Variants in FOXP4 observed in about 807,000 individuals in gnomAD.
The protein encoded by FOXP4 is forkhead box P4.
Under a neutral mutation model 82.6 loss-of-function variants are expected in FOXP4, and 25 were observed. That is an observed-to-expected ratio of 0.30 (90% confidence interval 0.22 to 0.42). The LOEUF (loss-of-function observed/expected upper bound fraction) is 0.42, where lower values mean the gene tolerates loss of function less well. Among genes scored for constraint, FOXP4 ranks in the 10% least tolerant of loss-of-function variants. The pLI, the probability that FOXP4 is intolerant of heterozygous loss-of-function variation, is 1.00. For synonymous variants in FOXP4, 415 were observed against 388.2 expected (o/e 1.07, Z -0.81); for missense variants, 785 against 900.9 (o/e 0.87, Z 1.65).
At chr6:41,592,437 A>G (rs577525626) in intron 13 of FOXP4, among the ~76,000 whole-genome samples, 1 of 152,192 alleles carries the variant, frequency 6.6e-6, no homozygotes, top group South Asian at 2.1e-4. Flanking sequence ...GAGTGATGTC[A>G]TTTTCTGCCA....
At chr6:41,574,192 C>G (rs1275060448) in intron 2 of FOXP4, among the ~76,000 whole-genome samples, 6 of 152,162 alleles carry the variant, frequency 3.9e-5, no homozygotes, top group Non-Finnish European at 5.9e-5. Flanking sequence ...TTCACTTCCC[C>G]TTCTCACTGG....
Position 41,589,983 on chromosome 6 carries a change from C to T in FOXP4, c.1170C>T (p.Ser390=). 1 of 1,613,934 alleles carries T rather than the reference C, an allele frequency of 6.2e-7. No homozygotes were observed. Among genetic ancestry groups the T allele is most frequent in the Non-Finnish European group, 8.5e-7 (1 of 1,179,954 alleles). Reference sequence around the variant, plus strand: ...CACAGCTGAACCCGGTCCCCGGCTCCTCCTCATTCTCCAAGGTGACCGTCT... The same window carrying T: ...CACAGCTGAACCCGGTCCCCGGCTCTTCCTCATTCTCCAAGGTGACCGTCT... ...FSQPLNPVPG[S]SSFSKVTVSA... Residue 390 remains serine (S), a synonymous_variant, in exon 11 of 17, where the codon TCC becomes TCT. Transcript: ENST00000307972.
intron 2 of FOXP4, among the ~76,000 whole-genome samples, chr6:41,573,987 G>T (rs1245519223): frequency 1.3e-5 from 2 of 152,174 alleles, no homozygotes; most frequent in Non-Finnish European, 1.5e-5. Flanking sequence ...ATGGCTCCCA[G>T]TTTTCCACTC....
chr6:41,552,696 A>G (rs1292541943), intron 1 of FOXP4, among the ~76,000 whole-genome samples: 1 of 152,162 alleles, frequency 6.6e-6, no homozygotes, highest in Non-Finnish European at 1.5e-5. Context: ...AAAGAACTGC[A>G]GCTGGGCTAG....
At chr6:41,580,111 A>G (rs1310264098) in intron 3 of FOXP4, among the ~76,000 whole-genome samples, 1 of 141,712 alleles carries the variant, frequency 7.1e-6, no homozygotes, top group Non-Finnish European at 1.5e-5. Flanking sequence ...CCGTGATTTC[A>G]GCTCACCACA....
chr6:41,583,649 C>T (rs1765930067), intron 3 of FOXP4, among the ~76,000 whole-genome samples: 1 of 152,194 alleles, frequency 6.6e-6, no homozygotes, highest in Non-Finnish European at 1.5e-5. Context: ...AGAGAAGAGT[C>T]CTGTATGCAT....
intron 3 of FOXP4, among the ~76,000 whole-genome samples, chr6:41,580,637 A>G (rs969619943): frequency 5.9e-5 from 9 of 152,196 alleles, no homozygotes; most frequent in Middle Eastern, 3.4e-3. Context: ...TATTATCTCC[A>G]AGGAGGTCAG....
At position 41,600,965 on chromosome 6, in the gene FOXP4, T is replaced by A. The variant is rs1461765495; in HGVS notation, c.*2029T>A. On this transcript the variant is annotated 3_prime_UTR_variant, in exon 17 of 17. Transcript: ENST00000307972. ...TGCCAGAGTGTTGGAGCAAGGCAGC[T>A]GATTTGCTGCAGGGATGGAGAGGAC... The A allele has an allele frequency of 1.3e-5, 2 of 152,252 alleles. No homozygotes were observed. The highest frequency in any genetic ancestry group is 4.8e-5 in the African/African-American group (2 of 41,452). The allele number at this position is 152,252 out of a possible 1,614,324, so 9.4% of individuals were successfully genotyped here.
rs1006793078 is a variant in FOXP4 at position 41,602,314 on chromosome 6, G to C, written c.*3378G>C. 1 of 152,278 alleles carries C rather than the reference G, an allele frequency of 6.6e-6. No individual in the cohort carries two copies. Among genetic ancestry groups the C allele is most frequent in the Middle Eastern group, 3.4e-3 (1 of 294 alleles). The allele number at this position is 152,278 out of a possible 1,614,324, so 9.4% of individuals were successfully genotyped here. On this transcript the variant is annotated 3_prime_UTR_variant, in exon 17 of 17. Transcript: ENST00000307972. ...CGTGGAGGCTGCCAGGGCCTTGTAC[G>C]GTAAACCTAGCTGCATGTAATCTGT...
At chr6:41,583,992 A>T (rs956580257) in intron 3 of FOXP4, among the ~76,000 whole-genome samples, 2 of 152,236 alleles carry the variant, frequency 1.3e-5, no homozygotes, top group African/African-American at 4.8e-5. Flanking sequence ...AAACCGAAAC[A>T]TAAGAGAGGG....
At chr6:41,583,076 G>A (rs988950853) in intron 3 of FOXP4, among the ~76,000 whole-genome samples, 1 of 152,200 alleles carries the variant, frequency 6.6e-6, no homozygotes, top group Non-Finnish European at 1.5e-5. Context: ...TCCCCCACTG[G>A]CTTAGAGGTC....
In FOXP4 at chr6:41,593,398, C is replaced by T. The variant is rs2127402605; in HGVS notation, c.1537-1472C>T. Among the ~76,000 whole-genome samples, 2 of 152,320 alleles carry T rather than the reference C, an allele frequency of 1.3e-5. No individual in the cohort carries two copies. The highest frequency in any genetic ancestry group is 3.9e-4 in the East Asian group (2 of 5,180). ...CTGCCAAGCTGATGGTCCTTGCTGG[C>T]CCTCCCCGTGTCCATCCCCTCCCAA... is the stretch of plus-strand genomic sequence containing the variant. On this transcript the variant is annotated intron_variant, in intron 13 of 16. Coordinates refer to ENST00000307972, the MANE Select transcript of FOXP4 (RefSeq NM_001012426.2). This position sits in a 1 kb window ranked among gnomAD's most constrained non-coding sequence, Gnocchi z 4.1.
intron 12 of FOXP4, 140 bp downstream of exon 12, chr6:41,590,487 C>T (rs1257938712): frequency 6.6e-5 from 57 of 866,548 alleles, no homozygotes; most frequent in Admixed American, 7.6e-5. Flanking sequence ...GGTCTTCCCT[C>T]TCTGCTGTGC....
chr6:41,549,672 G>A (rs1763884959), intron 1 of FOXP4, among the ~76,000 whole-genome samples: 1 of 151,096 alleles, frequency 6.6e-6, no homozygotes, highest in African/African-American at 2.4e-5. Context: ...AGCAGTGAAG[G>A]CTGGGGTCTG....
chr6:41,563,104 G>A (rs1036464172), intron 1 of FOXP4, among the ~76,000 whole-genome samples: 2 of 152,204 alleles, frequency 1.3e-5, no homozygotes, highest in Non-Finnish European at 2.9e-5. Flanking sequence ...TGGGGGAAGA[G>A]CAAGCCCTTG....
chr6:41,572,385 C>T (rs991861736), intron 2 of FOXP4, among the ~76,000 whole-genome samples: 5 of 152,172 alleles, frequency 3.3e-5, no homozygotes, highest in Admixed American at 6.5e-5. Flanking sequence ...GTGTCTGTCT[C>T]GGCCCATTAG....
chr6:41,582,799 C>T (rs1474732706), intron 3 of FOXP4, among the ~76,000 whole-genome samples: 1 of 152,148 alleles, frequency 6.6e-6, no homozygotes, highest in African/African-American at 2.4e-5. Context: ...AGGAAGTTAG[C>T]CTTTGGGATC....
chr6:41,583,015 GT>G (rs764346290), intron 3 of FOXP4, among the ~76,000 whole-genome samples: 9 of 152,070 alleles, frequency 5.9e-5, no homozygotes, highest in Admixed American at 2.0e-4. Context: ...TAAAAATGAG[GT>G]TAAAAAACAA....
At chr6:41,561,517 C>T (rs544582679) in intron 1 of FOXP4, among the ~76,000 whole-genome samples, 33 of 152,336 alleles carry the variant, frequency 2.2e-4, no homozygotes, top group African/African-American at 7.7e-4. Context: ...CTCAGAGCCT[C>T]TGCCTTCCTG....
Sources: gnomAD v4.1 joint callset for allele counts (sites outside exome capture counted in the v4.1 genomes callset) on GRCh38, gnomAD v4.1.1 for gene constraint, Gnocchi (gnomAD v3.1) non-coding constraint, MANE v1.5 for transcripts, NCBI Gene and HGNC (gene_info 2026-07-23, HGNC 2026-07-21) for gene names.